ARAP2: variants seen among roughly 807,000 people sequenced by gnomAD.
ARAP2 encodes the protein arf-GAP with Rho-GAP domain, ANK repeat and PH domain-containing protein 2.
Under a neutral mutation model 194.5 loss-of-function variants are expected in ARAP2, and 148 were observed. The observed-to-expected ratio is 0.76, with a 90% CI of 0.67 to 0.87. The LOEUF is 0.87. Ranked by LOEUF, ARAP2 falls within the 40% of genes least tolerant of loss-of-function variation. ARAP2 has a pLI of 0.00. For missense variants in ARAP2, 2,128 were observed against 1,989.7 expected, an observed-to-expected ratio of 1.07 and a Z score of -1.32; for synonymous variants, 695 against 683.5, an observed-to-expected ratio of 1.02 and a Z score of -0.26.
rs542212731 is a variant in ARAP2, at chr4:36,160,538, T to A, written c.2363A>T (p.Asn788Ile). The change falls in exon 13 of 33, where the codon AAC becomes ATC. Residue 788 changes from asparagine (N) to isoleucine (I), a missense_variant. By Grantham distance (149) the Asn-to-Ile change is moderately radical (BLOSUM62 -3). Coordinates refer to ENST00000303965, the MANE Select transcript of ARAP2 (RefSeq NM_015230.4). Reference sequence around the variant, plus strand: ...TTCTTTATATTTCTGAGTAATAAAGTTTTTTCTCTTTTCTACTGGTGAGTC... The same window carrying A: ...TTCTTTATATTTCTGAGTAATAAAGATTTTTCTCTTTTCTACTGGTGAGTC... Reference protein sequence around the residue: ...HMDSPVEKRKNFITQKYKEGK... With the variant: ...HMDSPVEKRKIFITQKYKEGK... 2.5e-6 allele frequency: 4 copies of A among 1,573,674 alleles called. No individual in the cohort carries two copies. Among genetic ancestry groups the A allele is most frequent in the Non-Finnish European group, 3.4e-6 (4 of 1,165,390 alleles).
At chr4:36,238,935 T>TAA (rs34560123) in intron 1 of ARAP2, among the ~76,000 whole-genome samples, 2 of 151,820 alleles carry the variant, frequency 1.3e-5, no homozygotes, top group Non-Finnish European at 1.5e-5. Context: ...ATGGTTATGG[T>TAA]AAAAAACAAA....
At chr4:36,136,849 C>A (rs547544236) in intron 19 of ARAP2, among the ~76,000 whole-genome samples, 2 of 143,672 alleles carry the variant, frequency 1.4e-5, no homozygotes, top group Admixed American at 7.0e-5. Flanking sequence ...CCTATCACAC[C>A]TAAGATTCAC....
At chr4:36,105,453 T>C (rs1175448370) in intron 27 of ARAP2, among the ~76,000 whole-genome samples, 2 of 152,022 alleles carry the variant, frequency 1.3e-5, no homozygotes, top group Admixed American at 6.6e-5. Flanking sequence ...TTCTACAAGA[T>C]TCTTTGTCTA....
At chr4:36,085,971 T>G (rs1414854495) in intron 28 of ARAP2, among the ~76,000 whole-genome samples, 1 of 152,014 alleles carries the variant, frequency 6.6e-6, no homozygotes, top group Non-Finnish European at 1.5e-5. Context: ...TTTTAACAAT[T>G]TGAACTGTCT....
At chr4:36,031,423 C>T (rs769908728) in intron 5 of ARAP2, among the ~76,000 whole-genome samples, 1 of 152,136 alleles carries the variant, frequency 6.6e-6, no homozygotes, top group South Asian at 2.1e-4. Context: ...TCCTCTTTTA[C>T]TGAACTGGGA....
At chr4:36,157,752 T>A (rs1224636350) in intron 15 of ARAP2, among the ~76,000 whole-genome samples, 1 of 152,208 alleles carries the variant, frequency 6.6e-6, no homozygotes, top group Non-Finnish European at 1.5e-5. Flanking sequence ...CAGGAAAATC[T>A]AATAATGCAT....
chr4:36,191,380 G>A (rs1428723697), intron 7 of ARAP2, among the ~76,000 whole-genome samples: 2 of 151,778 alleles, frequency 1.3e-5, no homozygotes, highest in Non-Finnish European at 2.9e-5. Context: ...CTATAACAAG[G>A]ATATAGTTAA....
chr4:36,085,788 T>C (rs1251124909), intron 28 of ARAP2, among the ~76,000 whole-genome samples: 1 of 152,130 alleles, frequency 6.6e-6, no homozygotes, highest in Non-Finnish European at 1.5e-5. Context: ...CTAGCAGATT[T>C]AACATCAATT....
At chr4:36,209,244 G>T (rs1746220435) in intron 6 of ARAP2, 1 of 275,062 alleles carries the variant, frequency 3.6e-6, no homozygotes, top group African/African-American at 2.3e-5. Flanking sequence ...CTAGTGTTTA[G>T]ACCTGAGCAC....
intron 19 of ARAP2, among the ~76,000 whole-genome samples, chr4:36,136,971 T>C (rs1044584980): frequency 6.6e-6 from 1 of 151,698 alleles, no homozygotes; most frequent in Non-Finnish European, 1.5e-5. Context: ...TACACGTATA[T>C]ATGTAAAATC....
Position 36,210,542 on chromosome 4 carries a change from G to T in ARAP2, c.1335C>A (p.Ser445=), listed in dbSNP as rs771427129. 2 of 1,613,796 alleles carry T rather than the reference G, an allele frequency of 1.2e-6. No homozygotes were observed. Among genetic ancestry groups the T allele is most frequent in the East Asian group, 4.5e-5 (2 of 44,858 alleles). Reference sequence around the variant, plus strand: ...TTAACGGATAACTGTGCCTATTAACGGAGTCCAAAATCAAGGCTTTTTGAG... The same window carrying T: ...TTAACGGATAACTGTGCCTATTAACTGAGTCCAAAATCAAGGCTTTTTGAG... The part of the protein sequence containing the change: ...SRTQKALILD[S]VNRHSYPLSS... Residue 445 remains serine (S), a synonymous_variant, in exon 6 of 33, where the codon TCC becomes TCA. Coordinates refer to ENST00000303965, the MANE Select transcript of ARAP2 (RefSeq NM_015230.4).
intron 9 of ARAP2, among the ~76,000 whole-genome samples, chr4:36,177,485 C>A (rs1043019294): frequency 3.9e-5 from 6 of 152,126 alleles, no homozygotes; most frequent in African/African-American, 1.4e-4. Context: ...GGTCCTATTT[C>A]ATCAACAGCT....
At chr4:36,212,698 C>T (rs1369219217) in intron 4 of ARAP2, among the ~76,000 whole-genome samples, 2 of 150,574 alleles carry the variant, frequency 1.3e-5, no homozygotes, top group African/African-American at 4.9e-5. Context: ...TTATTCAAAT[C>T]GTTAACTCAT....
At chr4:36,061,215 CAGTT>C (rs530233913), downstream of ARAP2, among the ~76,000 whole-genome samples, 118 of 152,152 alleles carry the variant, frequency 7.8e-4, no homozygotes, top group African/African-American at 2.8e-3. Flanking sequence ...TTAAACAATC[CAGTT>C]ATACTCTTTT....
intron 8 of ARAP2, among the ~76,000 whole-genome samples, chr4:36,013,509 A>C (rs1186404004): frequency 6.6e-6 from 1 of 152,154 alleles, no homozygotes; most frequent in Non-Finnish European, 1.5e-5. Context: ...GAAAAGAGAG[A>C]ATTATGGATA....
intron 6 of ARAP2, among the ~76,000 whole-genome samples, chr4:36,207,789 A>C (rs553532576): frequency 6.6e-6 from 1 of 152,306 alleles, no homozygotes; most frequent in South Asian, 2.1e-4. Context: ...TTAAAAAAAA[A>C]ACCCAAGAGT....
chr4:36,029,361 G>A (rs1426587237), intron 5 of ARAP2, among the ~76,000 whole-genome samples: 1 of 151,964 alleles, frequency 6.6e-6, no homozygotes, highest in African/African-American at 2.4e-5. Flanking sequence ...GTTTGTCACT[G>A]TAAATTGTAA....
intron 22 of ARAP2, among the ~76,000 whole-genome samples, chr4:36,123,835 G>A (rs78350242): frequency 3.0e-4 from 46 of 151,824 alleles, no homozygotes; most frequent in African/African-American, 1.1e-3. Context: ...GTACTCCTAT[G>A]TCCCAGACAT....
intron 26 of ARAP2, among the ~76,000 whole-genome samples, chr4:36,112,092 A>G (rs1720137192): frequency 6.6e-6 from 1 of 151,962 alleles, no homozygotes; most frequent in Non-Finnish European, 1.5e-5. Context: ...TGCCTCCCAC[A>G]TTTGGATGCA....
Sources: gnomAD v4.1 joint callset for allele counts (sites outside exome capture counted in the v4.1 genomes callset) on GRCh38, gnomAD v4.1.1 for gene constraint, MANE v1.5 for transcripts, NCBI Gene and HGNC (gene_info 2026-07-23, HGNC 2026-07-21) for gene names.